METTL25: variants seen among roughly 807,000 people sequenced by gnomAD.
METTL25 encodes the protein probable methyltransferase-like protein 25.
METTL25 carries 64 observed loss-of-function variants against 71.6 expected under a neutral mutation model. The ratio of observed to expected loss-of-function variants is 0.89; its 90% CI spans 0.73 to 1.10. The LOEUF (loss-of-function observed/expected upper bound fraction) is 1.10. Ranked by LOEUF, METTL25 falls within the 50% of genes least tolerant of loss-of-function variation. The pLI is 0.00. For missense variants in METTL25, 807 were observed against 707.0 expected (o/e 1.14, Z -1.60); for synonymous variants, 287 against 250.3 (o/e 1.15, Z -1.38).
intron 8 of METTL25, among the ~76,000 whole-genome samples, chr12:82,439,660 A>C (rs1890177590): frequency 6.6e-6 from 1 of 151,842 alleles, no homozygotes; most frequent in Non-Finnish European, 1.5e-5. Context: ...ATAACTCCCA[A>C]ATCTGTATCT....
At chr12:82,375,521 G>C (rs1351109637) in intron 1 of METTL25, among the ~76,000 whole-genome samples, 2 of 152,188 alleles carry the variant, frequency 1.3e-5, no homozygotes, top group African/African-American at 4.8e-5. Context: ...GATTGAAACA[G>C]TTGTGTTTGA....
At chr12:82,477,073 C>T (rs1452563163) in intron 10 of METTL25, among the ~76,000 whole-genome samples, 2 of 151,768 alleles carry the variant, frequency 1.3e-5, no homozygotes, top group Non-Finnish European at 1.5e-5. Flanking sequence ...GTCTACCTCA[C>T]AGTCACTTAA....
At chr12:82,424,343 A>C (rs1370043200) in intron 5 of METTL25, among the ~76,000 whole-genome samples, 1 of 151,916 alleles carries the variant, frequency 6.6e-6, no homozygotes, top group African/African-American at 2.4e-5. Flanking sequence ...CATTGAGAAC[A>C]CTTGGACACA....
chr12:82,474,422 G>C (rs1892759789), intron 9 of METTL25: 1 of 152,158 alleles, frequency 6.6e-6, no homozygotes, highest in Non-Finnish European at 1.5e-5. Flanking sequence ...TCTCTTTCTT[G>C]TATGGGGGAA....
At chr12:82,360,622 G>A (rs963726967) in intron 1 of METTL25, among the ~76,000 whole-genome samples, 1 of 152,110 alleles carries the variant, frequency 6.6e-6, no homozygotes, top group Non-Finnish European at 1.5e-5. Flanking sequence ...GATCTCTGGA[G>A]GGAAAGCAGT....
intron 1 of METTL25, among the ~76,000 whole-genome samples, chr12:82,359,672 A>G (rs1881551164): frequency 6.6e-6 from 1 of 151,726 alleles, no homozygotes; most frequent in South Asian, 2.1e-4. Context: ...AAAGTACCTA[A>G]TATGTGTCTT....
At chr12:82,388,414 A>G (rs974192168) in intron 2 of METTL25, among the ~76,000 whole-genome samples, 2 of 152,026 alleles carry the variant, frequency 1.3e-5, no homozygotes, top group Non-Finnish European at 2.9e-5. Context: ...CTTGGTAAGA[A>G]CCATTATAGC....
At chr12:82,464,299 G>A (rs951641823) in intron 9 of METTL25, among the ~76,000 whole-genome samples, 4 of 151,748 alleles carry the variant, frequency 2.6e-5, no homozygotes, top group African/African-American at 9.7e-5. Context: ...AGGATGAGAG[G>A]TGAGGTGTCT....
intron 9 of METTL25, among the ~76,000 whole-genome samples, chr12:82,465,883 G>A (rs989898997): frequency 1.3e-5 from 2 of 151,128 alleles, no homozygotes; most frequent in Non-Finnish European, 3.0e-5. Flanking sequence ...CTAATTTTTT[G>A]GTGTATAGCT....
intron 8 of METTL25, chr12:82,439,820 A>T (rs1464100467): frequency 2.1e-6 from 2 of 949,850 alleles, no homozygotes; most frequent in Non-Finnish European, 2.5e-6. Flanking sequence ...TGTCAACTCA[A>T]ATATTTACTA....
intron 9 of METTL25, 104 bp from the exon 10 acceptor site, chr12:82,476,540 G>T: frequency 2.7e-6 from 2 of 749,768 alleles, no homozygotes; most frequent in Non-Finnish European, 4.6e-6. Flanking sequence ...GACACCTAAG[G>T]TTGTATTAAA....
intron 8 of METTL25, among the ~76,000 whole-genome samples, chr12:82,439,311 A>G (rs1346284419): frequency 6.6e-6 from 1 of 151,698 alleles, no homozygotes; most frequent in African/African-American, 2.4e-5. Flanking sequence ...CACTATTTAT[A>G]CAGAAAAGCA....
intron 5 of METTL25, among the ~76,000 whole-genome samples, chr12:82,406,104 A>G (rs1402929116): frequency 6.6e-6 from 1 of 152,164 alleles, no homozygotes; most frequent in Non-Finnish European, 1.5e-5. Flanking sequence ...AAAATAGATG[A>G]CAAGCAGAGT....
At chr12:82,464,499 G>T (rs951609416) in intron 9 of METTL25, among the ~76,000 whole-genome samples, 1 of 151,956 alleles carries the variant, frequency 6.6e-6, no homozygotes, top group Non-Finnish European at 1.5e-5. Flanking sequence ...GTATCATGTT[G>T]TTTTGGTTAC....
intron 8 of METTL25, among the ~76,000 whole-genome samples, chr12:82,446,080 G>A (rs1890716694): frequency 6.6e-6 from 1 of 152,060 alleles, no homozygotes; most frequent in Non-Finnish European, 1.5e-5. Context: ...AAGAGACAAA[G>A]AAGGTCATTA....
intron 1 of METTL25, among the ~76,000 whole-genome samples, chr12:82,377,665 AAAT>A (rs1382082786): frequency 2.0e-5 from 3 of 152,220 alleles, no homozygotes; most frequent in African/African-American, 4.8e-5. Context: ...TGAATATTTA[AAAT>A]AATCTCTAGA....
chr12:82,416,518 A>G (rs1888000976), intron 5 of METTL25, among the ~76,000 whole-genome samples: 2 of 146,050 alleles, frequency 1.4e-5, no homozygotes, highest in Admixed American at 1.4e-4. Context: ...ATCATGGTTC[A>G]CTGTAGCCTC....
intron 5 of METTL25, among the ~76,000 whole-genome samples, chr12:82,404,747 A>G (rs1234597490): frequency 6.6e-6 from 1 of 152,152 alleles, no homozygotes; most frequent in East Asian, 1.9e-4. Context: ...GTTCAAGACC[A>G]GCCTGGCCAA....
At chr12:82,416,698 G>T (rs112989001) in intron 5 of METTL25, among the ~76,000 whole-genome samples, 1,928 of 152,046 alleles carry the variant, frequency 0.013, 23 homozygotes, top group Middle Eastern at 0.024. Flanking sequence ...TGAACTCATG[G>T]ATGGGCTGAA....
Sources: gnomAD v4.1 joint callset for allele counts (sites outside exome capture counted in the v4.1 genomes callset) on GRCh38, gnomAD v4.1.1 for gene constraint, MANE v1.5 for transcripts, NCBI Gene and HGNC (gene_info 2026-07-23, HGNC 2026-07-21) for gene names.